TFRC: variants seen among roughly 807,000 people sequenced by gnomAD.
The protein encoded by TFRC is transferrin receptor.
A neutral mutation model predicts 85.8 loss-of-function variants in TFRC; 35 were observed. The ratio of observed to expected loss-of-function variants is 0.41; its 90% CI spans 0.31 to 0.54. The LOEUF (loss-of-function observed/expected upper bound fraction) is 0.54, where lower values mean the gene tolerates loss of function less well. Ranked by LOEUF, TFRC falls within the 20% of genes least tolerant of loss-of-function variation. TFRC has a pLI of 0.31. For synonymous variants in TFRC, 362 were observed against 328.6 expected, an observed-to-expected ratio of 1.10 and a Z score of -1.10; for missense variants, 828 against 921.5, an observed-to-expected ratio of 0.90 and a Z score of 1.31.
chr3:196,063,949 A>G (rs926403172), intron 11 of TFRC, among the ~76,000 whole-genome samples: 3 of 152,306 alleles, frequency 2.0e-5, no homozygotes, highest in African/African-American at 7.2e-5. Flanking sequence ...TAAACAGAAC[A>G]AAATTTCAAT....
Position 196,054,415 on chromosome 3 carries a change from AT to A in TFRC, c.1899+664del, listed in dbSNP as rs1346118916. 9.8e-5 allele frequency among the ~76,000 whole-genome samples: 15 copies of A among 152,346 alleles called. No individual in the cohort carries two copies. In the East Asian group the frequency reaches 1.2e-3, roughly 12 times the overall value. On this transcript the variant is annotated intron_variant, in intron 17 of 18. Coordinates refer to ENST00000360110, the MANE Select transcript of TFRC (RefSeq NM_001128148.3). ...AGCGAGACTTCATCTCTCAAAAAAA[AT>A]AAAATAAAAATAAAAATAAAAAAGA... is the stretch of plus-strand genomic sequence containing the variant.
intron 14 of TFRC, 147 bp from the exon 15 acceptor site, chr3:196,058,779 A>G (rs965791906): frequency 2.1e-6 from 1 of 473,330 alleles, no homozygotes; most frequent in Non-Finnish European, 3.6e-6. Context: ...TAGTTAAAAC[A>G]ATCTCAACTT....
At chr3:196,081,396 A>G (rs1465867354) in intron 1 of TFRC, among the ~76,000 whole-genome samples, 1 of 152,258 alleles carries the variant, frequency 6.6e-6, no homozygotes, top group Non-Finnish European at 1.5e-5. Flanking sequence ...TATCTAATTA[A>G]TGCCTGTAAC....
intron 6 of TFRC, chr3:196,069,789 T>C: frequency 2.4e-6 from 1 of 421,862 alleles, no homozygotes; most frequent in Non-Finnish European, 4.2e-6. Context: ...ATGTCTTTCA[T>C]GCTTTTATCC....
At chr3:196,068,995 TCACTGTCACTCAGGCTGGAGTGG>T (rs1467102458) in intron 7 of TFRC, among the ~76,000 whole-genome samples, 2 of 151,520 alleles carry the variant, frequency 1.3e-5, no homozygotes, top group Non-Finnish European at 2.9e-5. Flanking sequence ...TTTTTGAGTC[TCACTGTCACTCAGGCTGGAGTGG>T]CACGAGTCAC....
In TFRC at chr3:196,075,317, C is replaced by A. The variant is rs1041899549; in HGVS notation, c.80G>T (p.Arg27Leu). The change falls in exon 3 of 19, where the codon CGG becomes CTG. Residue 27 changes from arginine (R) to leucine (L), a missense_variant. Physicochemically the swap from Arg to Leu is moderately radical, Grantham distance 102 (BLOSUM62 -2). Transcript: ENST00000360110. Reference sequence around the variant, plus strand: ...ATGACTGTTATCGCCATCTACTTGCCGAGCCAGGCTGAACCGGGTATATGA... The same window carrying A: ...ATGACTGTTATCGCCATCTACTTGCAGAGCCAGGCTGAACCGGGTATATGA... Reference protein sequence around the residue: ...PLSYTRFSLARQVDGDNSHVE... With the variant: ...PLSYTRFSLALQVDGDNSHVE... 1.7e-5 allele frequency: 27 copies of A among 1,613,934 alleles called. No homozygotes were observed. Among genetic ancestry groups the A allele is most frequent in the Non-Finnish European group, 2.2e-5 (26 of 1,180,030 alleles).
In TFRC at chr3:196,055,199, C is replaced by T. The variant is rs768871682; in HGVS notation, c.1780G>A (p.Ala594Thr). The T allele has an allele frequency of 1.1e-5, 17 of 1,614,080 alleles. No homozygotes were observed. Among genetic ancestry groups the T allele is most frequent in the African/African-American group, 6.7e-5 (5 of 74,948 alleles). ...GTTAGTTTAATCACGAACTGACCAG[C>T]GACCTCTGCAGCTGCTCGTGCCACT... Reference protein sequence around the residue: ...NKVARAAAEVAGQFVIKLTHD... With the variant: ...NKVARAAAEVTGQFVIKLTHD... Residue 594 changes from alanine (A) to threonine (T), a missense_variant, in exon 17 of 19, where the codon GCT becomes ACT. By Grantham distance (58) the Ala-to-Thr change is moderately conservative. Coordinates refer to ENST00000360110, the MANE Select transcript of TFRC (RefSeq NM_001128148.3).
chr3:196,055,264 G>A lies in TFRC; in HGVS notation c.1715C>T (p.Thr572Ile). 1 of 1,614,204 alleles carries A rather than the reference G, an allele frequency of 6.2e-7. No individual in the cohort carries two copies. The highest frequency in any genetic ancestry group is 8.5e-7 in the Non-Finnish European group (1 of 1,180,038). ...DYPYLGTTMD[T>I]YKELIERIPE... ...AATCCTCTCAATCAGTTCCTTATAG[G>A]TGTCCATGGTGGTACCCAAATAAGG... The change falls in exon 17 of 19, where the codon ACC (threonine) becomes ATC (isoleucine). Residue 572 changes from threonine (T) to isoleucine (I), a missense_variant. By Grantham distance (89) the Thr-to-Ile change is moderately conservative. Coordinates refer to ENST00000360110, the MANE Select transcript of TFRC (RefSeq NM_001128148.3).
At chr3:196,075,418 C>T (rs867056583) in intron 2 of TFRC, 58 bp from the exon 3 acceptor site, 29 of 1,552,232 alleles carry the variant, frequency 1.9e-5, no homozygotes, top group Middle Eastern at 3.4e-4. Flanking sequence ...AGGAAAAGCT[C>T]GTTTAGGTAT....
Position 196,055,064 on chromosome 3 carries a change from T to G in TFRC, c.1899+16A>C, listed in dbSNP as rs745941472. The G allele has an allele frequency of 6.2e-7, 1 of 1,610,512 alleles. No individual in the cohort carries two copies. The highest frequency in any genetic ancestry group is 1.7e-5 in the Admixed American group (1 of 59,974). On this transcript the variant is annotated intron_variant, in intron 17 of 18. Transcript: ENST00000360110. ...ACATTCAGCAAAATAAAAACGTAAT[T>G]GGAATCAGTGCTCACCTTTATGTCT...
At position 196,075,340 on chromosome 3, in the gene TFRC, T is replaced by A. The variant is rs779740047; in HGVS notation, c.57A>T (p.Ser19=). The change falls in exon 3 of 19, where the codon TCA becomes TCT. Residue 19 remains serine (S), a synonymous_variant. Coordinates refer to ENST00000360110, the MANE Select transcript of TFRC (RefSeq NM_001128148.3). The stretch of plus-strand genomic sequence containing the variant: ...GCCGAGCCAGGCTGAACCGGGTATA[T>A]GACAATGGTTCTCCACCAAACTGTG... ...FSNLFGGEPL[S]YTRFSLARQV... The A allele has an allele frequency of 1.9e-6, 3 of 1,614,130 alleles. No individual in the cohort carries two copies. Among genetic ancestry groups the A allele is most frequent in the Non-Finnish European group, 1.7e-6 (2 of 1,180,024 alleles).
At chr3:196,059,730 G>A (rs890973733) in intron 14 of TFRC, among the ~76,000 whole-genome samples, 5 of 150,634 alleles carry the variant, frequency 3.3e-5, no homozygotes, top group East Asian at 1.9e-4. Context: ...GTCATCTAGC[G>A]TTAGGTATAT....
intron 1 of TFRC, among the ~76,000 whole-genome samples, chr3:196,079,851 TCTC>T (rs1430933625): frequency 2.0e-5 from 3 of 152,192 alleles, no homozygotes; most frequent in African/African-American, 7.2e-5. Context: ...CCAACATTCT[TCTC>T]TGTTCCTTGA....
chr3:196,053,394 C>G (rs1396287876), intron 18 of TFRC, 24 bp downstream of exon 18: 17 of 1,613,726 alleles, frequency 1.1e-5, no homozygotes, highest in Non-Finnish European at 1.4e-5. Context: ...ACTTTAGTTC[C>G]TCCTTTCCCA....
intron 14 of TFRC, among the ~76,000 whole-genome samples, chr3:196,059,520 A>G (rs1316789514): frequency 6.6e-6 from 1 of 152,180 alleles, no homozygotes; most frequent in Non-Finnish European, 1.5e-5. Flanking sequence ...ATCAAGGCCA[A>G]TGTCTGCTAT....
intron 16 of TFRC, among the ~76,000 whole-genome samples, chr3:196,057,796 A>C (rs1168439768): frequency 1.3e-5 from 2 of 148,470 alleles, no homozygotes; most frequent in African/African-American, 2.6e-5. Flanking sequence ...AAAAAAAAAA[A>C]AACAAAACAA....
At chr3:196,055,498 C>G in intron 16 of TFRC, 197 bp from the exon 17 acceptor site, 2 of 599,870 alleles carry the variant, frequency 3.3e-6, no homozygotes, top group South Asian at 4.0e-5. Context: ...AGCTAACCTA[C>G]TCCTAGAGTG....
At chr3:196,065,401 C>CAAA in intron 10 of TFRC, 42 bp downstream of exon 10, 1 of 1,025,390 alleles carries the variant, frequency 9.8e-7, no homozygotes, top group Non-Finnish European at 1.3e-6. Flanking sequence ...GAAAAGAAAA[C>CAAA]AAAAAAAAAG....
intron 1 of TFRC, 69 bp from the exon 2 acceptor site, chr3:196,077,191 A>T: frequency 9.3e-7 from 1 of 1,074,380 alleles, no homozygotes; most frequent in Non-Finnish European, 1.4e-6. Flanking sequence ...TTCTATTACC[A>T]GGCTAAATGA....
Sources: allele counts gnomAD v4.1 joint callset (sites outside exome capture counted in the v4.1 genomes callset), GRCh38; gene constraint gnomAD v4.1.1; transcripts MANE v1.5; gene names NCBI Gene and HGNC (gene_info 2026-07-23, HGNC 2026-07-21).